Variants in AGFG1 observed in about 807,000 individuals in gnomAD.
AGFG1 encodes the protein arf-GAP domain and FG repeat-containing protein 1.
AGFG1 carries 10 observed loss-of-function variants against 60.6 expected under a neutral mutation model. That is an observed-to-expected ratio of 0.16 (90% confidence interval 0.10 to 0.28). The LOEUF (loss-of-function observed/expected upper bound fraction) is 0.28. AGFG1 is among the 10% of genes least tolerant of loss of function. The pLI is 1.00. For synonymous variants in AGFG1, 247 were observed against 242.9 expected (o/e 1.02, Z -0.16); for missense variants, 537 against 676.5 (o/e 0.79, Z 2.29).
At chr2:227,542,419 C>A (rs537829496) in intron 10 of AGFG1, among the ~76,000 whole-genome samples, 1 of 151,526 alleles carries the variant, frequency 6.6e-6, no homozygotes, top group African/African-American at 2.4e-5. Context: ...TTGAGATACT[C>A]GTGGTTTTAG....
rs576089481 is a variant in AGFG1 at position 227,555,114 on chromosome 2, T to A, written c.*619T>A. ...TTTGCAGGTGAAAAAAAATAAATAT[T>A]ATAAAATATGCTATTGTTTTTGTGT... On this transcript the variant is annotated 3_prime_UTR_variant, in exon 13 of 13. Transcript: ENST00000310078. The A allele has an allele frequency of 6.5e-6, 1 of 152,748 alleles. No homozygotes were observed. The highest frequency in any genetic ancestry group is 1.5e-5 in the Non-Finnish European group (1 of 68,002). 9.5% of individuals were successfully genotyped at this position (152,748 alleles called of 1,614,324 possible).
chr2:227,536,537 A>G, intron 8 of AGFG1, 88 bp from the exon 9 acceptor site: 3 of 1,026,512 alleles, frequency 2.9e-6, no homozygotes, highest in East Asian at 2.4e-5. Context: ...GATACACGAT[A>G]TGTTCATTAT....
chr2:227,521,819 A>C (rs889757716), intron 3 of AGFG1, among the ~76,000 whole-genome samples: 4 of 151,464 alleles, frequency 2.6e-5, no homozygotes, highest in African/African-American at 7.3e-5. Flanking sequence ...CATTCAAACT[A>C]TAACGCAAAT....
chr2:227,479,878 GC>G (rs1559164589), intron 1 of AGFG1, among the ~76,000 whole-genome samples: 3 of 152,224 alleles, frequency 2.0e-5, no homozygotes, highest in Non-Finnish European at 4.4e-5. Context: ...AAATTCATGA[GC>G]TATTCAGTGG....
chr2:227,503,590 T>G (rs748621828), intron 2 of AGFG1, among the ~76,000 whole-genome samples: 1 of 152,136 alleles, frequency 6.6e-6, no homozygotes, highest in Non-Finnish European at 1.5e-5. Context: ...GTTGGCAGCT[T>G]TGGGCACCAA....
At chr2:227,537,743 A>G (rs1365396997) in intron 10 of AGFG1, among the ~76,000 whole-genome samples, 4 of 152,164 alleles carry the variant, frequency 2.6e-5, no homozygotes, top group Non-Finnish European at 5.9e-5. Flanking sequence ...TAGAGTTTGT[A>G]TGCTTTGTTT....
intron 10 of AGFG1, among the ~76,000 whole-genome samples, chr2:227,547,822 A>T (rs914442932): frequency 6.6e-6 from 1 of 152,224 alleles, no homozygotes; most frequent in Non-Finnish European, 1.5e-5. Flanking sequence ...CATATAACCT[A>T]ACAGAGTGCC....
Position 227,519,944 on chromosome 2 carries a change from A to C in AGFG1, c.262-4A>C. 1 of 1,552,116 alleles carries C rather than the reference A, an allele frequency of 6.4e-7. No homozygotes were observed. ...AACATATATTTTTTTAATTCTTTCC[A>C]AAGGTCTGTAAACAGATTTGGCTAG... On this transcript the variant is annotated splice_region_variant and splice_polypyrimidine_tract_variant and intron_variant, in intron 2 of 12. Coordinates refer to ENST00000310078, the MANE Select transcript of AGFG1 (RefSeq NM_004504.5).
Position 227,559,767 on chromosome 2 carries a change from C to T in AGFG1, c.*5272C>T, listed in dbSNP as rs764159238. On this transcript the variant is annotated 3_prime_UTR_variant, in exon 13 of 13. Transcript: ENST00000310078. ...TGAGTGGAGAGACAGAGGAAGCAAA[C>T]GCCAAGGAGCCTTCTAATTTTGACT... is the stretch of plus-strand genomic sequence containing the variant. 3.9e-5 allele frequency: 6 copies of T among 152,040 alleles called. No homozygotes were observed. The highest frequency in any genetic ancestry group is 9.7e-5 in the African/African-American group (4 of 41,414). 9.4% of individuals were successfully genotyped at this position (152,040 alleles called of 1,614,324 possible). A position where few individuals can be genotyped will look rare whatever the true frequency, so the allele number is the denominator to read the frequency against.
In AGFG1 at chr2:227,536,671, C is replaced by T. The variant is rs1402197395; in HGVS notation, c.1252C>T (p.Pro418Ser). 1.9e-6 allele frequency: 3 copies of T among 1,613,674 alleles called. No homozygotes were observed. The highest frequency in any genetic ancestry group is 2.2e-5 in the East Asian group (1 of 44,862). The change falls in exon 9 of 13, where the codon CCT becomes TCT. Residue 418 changes from proline (P) to serine (S), a missense_variant. Transcript: ENST00000310078. Reference sequence around the variant, plus strand: ...AGTGGTTGCTTCTGCACAGACACAGCCTGCTTCATCAAGTGTGCCTGCTCC... The same window carrying T: ...AGTGGTTGCTTCTGCACAGACACAGTCTGCTTCATCAAGTGTGCCTGCTCC... ...VPVVASAQTQ[P>S]ASSSVPAPFG...
At chr2:227,516,793 G>A (rs1691663703) in intron 2 of AGFG1, among the ~76,000 whole-genome samples, 2 of 152,084 alleles carry the variant, frequency 1.3e-5, no homozygotes, top group South Asian at 4.1e-4. Flanking sequence ...TTTAAAAGTG[G>A]TATGTGGCAG....
intron 1 of AGFG1, among the ~76,000 whole-genome samples, chr2:227,480,038 C>CTT (rs747921203): frequency 2.0e-5 from 3 of 152,190 alleles, no homozygotes; most frequent in Non-Finnish European, 2.9e-5. Context: ...TTATACCTTA[C>CTT]TTTTATTCTG....
intron 1 of AGFG1, among the ~76,000 whole-genome samples, chr2:227,478,729 A>C (rs953688730): frequency 3.3e-5 from 5 of 152,160 alleles, no homozygotes; most frequent in African/African-American, 9.7e-5. Flanking sequence ...TTTGTCCCCT[A>C]ATATAACCCA....
chr2:227,550,884 T>C (rs1692798889), intron 10 of AGFG1, among the ~76,000 whole-genome samples: 1 of 152,216 alleles, frequency 6.6e-6, no homozygotes, highest in African/African-American at 2.4e-5. Flanking sequence ...TGCATCATGC[T>C]AAGAATATTT....
At position 227,472,431 on chromosome 2, in the gene AGFG1, A is replaced by G; in HGVS notation, c.10A>G (p.Ser4Gly). 1.3e-6 allele frequency: 2 copies of G among 1,519,988 alleles called. No homozygotes were observed. Among genetic ancestry groups the G allele is most frequent in the Non-Finnish European group, 1.8e-6 (2 of 1,132,500 alleles). 94.2% of individuals were successfully genotyped at this position (1,519,988 alleles called of 1,614,324 possible). Reference sequence around the variant, plus strand: ...CCTTGGCGCCGCGGCCATGGCGGCCAGCGCGAAGCGGAAGCAGGAGGAGAA... The same window carrying G: ...CCTTGGCGCCGCGGCCATGGCGGCCGGCGCGAAGCGGAAGCAGGAGGAGAA... MAASAKRKQEEKHL... is the reference protein window; with the variant it reads MAAGAKRKQEEKHL... The change falls in exon 1 of 13, where the codon AGC (serine) becomes GGC (glycine). Residue 4 changes from serine to glycine, a missense_variant. This residue lies in a region of AGFG1 where 120 missense variants were observed against 198.5 expected (regional missense o/e 0.60). Coordinates refer to ENST00000310078, the MANE Select transcript of AGFG1 (RefSeq NM_004504.5).
At chr2:227,516,347 T>C (rs1206190789) in intron 2 of AGFG1, among the ~76,000 whole-genome samples, 3 of 152,224 alleles carry the variant, frequency 2.0e-5, no homozygotes, top group Admixed American at 2.0e-4. Context: ...GAATCACATA[T>C]TGAGAGTTAC....
chr2:227,478,404 A>G (rs1403601936), intron 1 of AGFG1, among the ~76,000 whole-genome samples: 2 of 151,898 alleles, frequency 1.3e-5, no homozygotes, highest in African/African-American at 4.8e-5. Context: ...GTGCAGTGGC[A>G]TTATCATGGT....
intron 5 of AGFG1, 50 bp from the exon 6 acceptor site, chr2:227,531,041 A>G (rs1186556465): frequency 6.6e-7 from 1 of 1,515,930 alleles, no homozygotes; most frequent in Non-Finnish European, 9.0e-7. Context: ...ATGTATTTTC[A>G]TTTATAGTTT....
intron 2 of AGFG1, among the ~76,000 whole-genome samples, chr2:227,509,991 A>G (rs1023925136): frequency 2.0e-5 from 3 of 152,224 alleles, no homozygotes; most frequent in African/African-American, 7.2e-5. Context: ...TGTGCCAGGC[A>G]CCATACCATA....
Sources: gnomAD v4.1 joint callset for allele counts (sites outside exome capture counted in the v4.1 genomes callset) on GRCh38, gnomAD v4.1.1 for gene constraint, gnomAD v4.1.1 regional missense constraint, MANE v1.5 for transcripts, NCBI Gene and HGNC (gene_info 2026-07-23, HGNC 2026-07-21) for gene names.